Variants in CCKAR observed in about 807,000 individuals in gnomAD.
CCKAR encodes cholecystokinin A receptor.
CCKAR carries 21 observed loss-of-function variants against 29.8 expected under a neutral mutation model. The ratio of observed to expected loss-of-function variants is 0.70; its 90% CI spans 0.50 to 1.01. The LOEUF (loss-of-function observed/expected upper bound fraction) is 1.01, where lower values mean the gene tolerates loss of function less well. CCKAR is among the 50% of genes least tolerant of loss of function. The probability of loss-of-function intolerance (pLI) is 0.00; values close to 1 mark genes in which losing one functional copy is unlikely to be tolerated. For missense variants in CCKAR, 570 were observed against 560.6 expected (o/e 1.02, Z -0.17); for synonymous variants, 238 against 221.3 (o/e 1.08, Z -0.67).
rs759447662 is a variant in CCKAR, at chr4:26,481,593, G to C, written c.*45C>G. Reference sequence around the variant, plus strand: ...TCTCTTCTTCCGTTCTTTCTTCTCTGCCTCCTCCCTGCCTTCCTTCTGCGG... The same window carrying C: ...TCTCTTCTTCCGTTCTTTCTTCTCTCCCTCCTCCCTGCCTTCCTTCTGCGG... On this transcript the variant is annotated 3_prime_UTR_variant, in exon 5 of 5. Coordinates refer to ENST00000295589, the MANE Select transcript of CCKAR (RefSeq NM_000730.3). 6.9e-6 allele frequency: 11 copies of C among 1,596,156 alleles called. No individual in the cohort carries two copies. Among genetic ancestry groups the C allele is most frequent in the Admixed American group, 1.7e-5 (1 of 59,836 alleles).
Position 26,483,249 on chromosome 4 carries a change from G to C in CCKAR, c.661C>G (p.Pro221Ala), listed in dbSNP as rs201996688. 2.5e-6 allele frequency: 4 copies of C among 1,613,394 alleles called. No homozygotes were observed. The highest frequency in any genetic ancestry group is 3.4e-6 in the Non-Finnish European group (4 of 1,179,754). ...TFLLLILFLIPGIVMMVAYGL... is the reference protein window; with the variant it reads ...TFLLLILFLIAGIVMMVAYGL... Reference sequence around the variant, plus strand: ...TATGCCACCATCATCACAATTCCAGGAATAAGAAAGAGGATGAGTAACAGG... The same window carrying C: ...TATGCCACCATCATCACAATTCCAGCAATAAGAAAGAGGATGAGTAACAGG... Residue 221 changes from proline (P) to alanine (A), a missense_variant, in exon 4 of 5, where the codon CCT becomes GCT. Physicochemically the swap from Pro to Ala is conservative, Grantham distance 27. Transcript: ENST00000295589.
At position 26,490,383 on chromosome 4, in the gene CCKAR, G is replaced by C; in HGVS notation, c.-116C>G. 1 of 703,550 alleles carries C rather than the reference G, an allele frequency of 1.4e-6. No individual in the cohort carries two copies. Among genetic ancestry groups the C allele is most frequent in the East Asian group, 2.8e-5 (1 of 36,174 alleles). The allele number at this position is 703,550 out of a possible 1,614,324, so 43.6% of individuals were successfully genotyped here. A position where few individuals can be genotyped will look rare whatever the true frequency, so the allele number is the denominator to read the frequency against. ...GCAACCTGCCGTGGAGGAGCAGGGA[G>C]GGAGTGATTTCCAGGTGTGGGCTTT... On this transcript the variant is annotated 5_prime_UTR_variant, in exon 1 of 5. Coordinates refer to ENST00000295589, the MANE Select transcript of CCKAR (RefSeq NM_000730.3).
intron 4 of CCKAR, among the ~76,000 whole-genome samples, chr4:26,482,632 C>T (rs984573869): frequency 2.0e-5 from 3 of 152,164 alleles, no homozygotes; most frequent in Admixed American, 6.5e-5. Flanking sequence ...AAGGGAAAAG[C>T]TATGTCAACA....
chr4:26,481,642 TG>T lies in CCKAR; in HGVS notation c.1282del (p.Gln428SerfsTer65). On this transcript the variant is annotated frameshift_variant, in exon 5 of 5. Transcript: ENST00000295589. LOFTEE classifies it high-confidence loss of function. ...YSHMSASVPP[Q>X] Reference sequence around the variant, plus strand: ...GGTGGAGGGTCAGGGGACATCTCACTGGGGTGGCACCGAGGCACTCATATGG... The same window carrying T: ...GGTGGAGGGTCAGGGGACATCTCACTGGGTGGCACCGAGGCACTCATATGG... 6.2e-7 allele frequency: 1 copy of T among 1,614,172 alleles called. No individual in the cohort carries two copies. Among genetic ancestry groups the T allele is most frequent in the African/African-American group, 1.3e-5 (1 of 75,066 alleles).
Position 26,489,313 on chromosome 4 carries a change from A to G in CCKAR, c.284T>C (p.Met95Thr), listed in dbSNP as rs943601131. 5.0e-6 allele frequency: 8 copies of G among 1,614,078 alleles called. No homozygotes were observed. The highest frequency in any genetic ancestry group is 6.8e-6 in the Non-Finnish European group (8 of 1,180,038). The change falls in exon 2 of 5, where the codon ATG becomes ACG. Residue 95 changes from methionine to threonine, a missense_variant. Coordinates refer to ENST00000295589, the MANE Select transcript of CCKAR (RefSeq NM_000730.3). ...CAGATTGGGGATGAGGTTGAACGGCATGCAGAAGAGACAGAGCATGAGGTC... is the reference window on the plus strand; with the variant it reads ...CAGATTGGGGATGAGGTTGAACGGCGTGCAGAAGAGACAGAGCATGAGGTC... ...VSDLMLCLFC[M>T]PFNLIPNLLK...
At chr4:26,485,584 TA>T in intron 3 of CCKAR, 52 bp downstream of exon 3, 1 of 1,595,526 alleles carries the variant, frequency 6.3e-7, no homozygotes, top group Non-Finnish European at 8.6e-7. Flanking sequence ...TTTTTCATGA[TA>T]TTGCAAAATT....
chr4:26,483,960 C>G (rs1182625084), intron 3 of CCKAR, among the ~76,000 whole-genome samples: 1 of 152,240 alleles, frequency 6.6e-6, no homozygotes, highest in Admixed American at 6.5e-5. Context: ...ACAAAACATG[C>G]CATTCTGGCT....
At chr4:26,486,676 G>A (rs1381217729) in intron 2 of CCKAR, among the ~76,000 whole-genome samples, 1 of 152,182 alleles carries the variant, frequency 6.6e-6, no homozygotes, top group Admixed American at 6.5e-5. Flanking sequence ...CGCTTTGGGA[G>A]TCCGAGGCAG....
intron 3 of CCKAR, among the ~76,000 whole-genome samples, chr4:26,484,615 A>T (rs1163281802): frequency 1.3e-5 from 2 of 152,214 alleles, no homozygotes; most frequent in African/African-American, 4.8e-5. Flanking sequence ...TGCAGTTAGT[A>T]AGCAAAGGAA....
In CCKAR at chr4:26,481,766, A is replaced by G; in HGVS notation, c.1159T>C (p.Cys387Arg). Residue 387 changes from cysteine (C) to arginine (R), a missense_variant, in exon 5 of 5, where the codon TGC becomes CGC. By Grantham distance (180) the Cys-to-Arg change is radical. Coordinates refer to ENST00000295589, the MANE Select transcript of CCKAR (RefSeq NM_000730.3). ...FRLGFMATFP[C>R]CPNPGPPGAR... The stretch of plus-strand genomic sequence containing the variant: ...CCTGGGGGACCAGGATTGGGGCAGC[A>G]GGGGAAGGTGGCCATGAAGCCGAGG... The G allele has an allele frequency of 6.2e-7, 1 of 1,614,096 alleles. No individual in the cohort carries two copies. Among genetic ancestry groups the G allele is most frequent in the Non-Finnish European group, 8.5e-7 (1 of 1,179,996 alleles).
rs747058691 is a variant in CCKAR at position 26,490,192 on chromosome 4, T to C, written c.76A>G (p.Thr26Ala). Residue 26 changes from threonine (T) to alanine (A), a missense_variant, in exon 1 of 5, where the codon ACG (threonine) becomes GCG (alanine). Physicochemically the swap from Thr to Ala is moderately conservative, Grantham distance 58 (BLOSUM62 0). Coordinates refer to ENST00000295589, the MANE Select transcript of CCKAR (RefSeq NM_000730.3). ...PPCELGLENE[T>A]LFCLDQPRPS... ...CGGGGCTGATCCAAGCAGAAAAGCG[T>C]CTCATTTTCGAGCCCGAGTTCACAG... is the stretch of plus-strand genomic sequence containing the variant. 2 of 1,613,376 alleles carry C rather than the reference T, an allele frequency of 1.2e-6. No individual in the cohort carries two copies. The highest frequency in any genetic ancestry group is 3.3e-5 in the Admixed American group (2 of 59,940).
rs1737434140 is a variant in CCKAR, at chr4:26,485,662, G to C, written c.601C>G (p.Pro201Ala). ...CAGGACTGCTGCATAACATCATTTG[G>C]CAGTAGAAAGCGGCACATATTCGCG... ...QTANMCRFLL[P>A]NDVMQQSWHT... Residue 201 changes from proline (P) to alanine (A), a missense_variant, in exon 3 of 5, where the codon CCA becomes GCA. Pro to Ala is a conservative substitution (Grantham distance 27). Transcript: ENST00000295589. 4 of 1,613,976 alleles carry C rather than the reference G, an allele frequency of 2.5e-6. No homozygotes were observed. In the African/African-American group the frequency reaches 5.3e-5, roughly 22 times the overall value.
chr4:26,489,180 G>A (rs1737504424), intron 2 of CCKAR, 53 bp downstream of exon 2: 1 of 1,607,880 alleles, frequency 6.2e-7, no homozygotes, highest in African/African-American at 1.3e-5. Context: ...GAAGGTCTGG[G>A]GCTGAGTGGG....
intron 2 of CCKAR, among the ~76,000 whole-genome samples, chr4:26,487,552 T>C (rs1737473286): frequency 6.6e-6 from 1 of 152,228 alleles, no homozygotes; most frequent in Non-Finnish European, 1.5e-5. Context: ...TTATTAGTAT[T>C]GAGGAGACTG....
chr4:26,482,334 G>A (rs1210803039), intron 4 of CCKAR, among the ~76,000 whole-genome samples, 164 bp from the exon 5 acceptor site: 1 of 152,112 alleles, frequency 6.6e-6, no homozygotes, highest in Non-Finnish European at 1.5e-5. Flanking sequence ...ATCTATACTA[G>A]TTCTTCCCTT....
intron 3 of CCKAR, 93 bp downstream of exon 3, chr4:26,485,544 C>G: frequency 1.5e-6 from 2 of 1,374,576 alleles, no homozygotes; most frequent in Non-Finnish European, 2.0e-6. Flanking sequence ...GGAAACTGAT[C>G]CCCCAACCAC....
At chr4:26,484,981 C>T (rs1737419704) in intron 3 of CCKAR, among the ~76,000 whole-genome samples, 1 of 151,626 alleles carries the variant, frequency 6.6e-6, no homozygotes, top group Non-Finnish European at 1.5e-5. Context: ...AACCTGAGGT[C>T]AGGAGTTCGA....
At position 26,481,933 on chromosome 4, in the gene CCKAR, C is replaced by T. The variant is rs748069548; in HGVS notation, c.992G>A (p.Ser331Asn). 16 of 1,614,146 alleles carry T rather than the reference C, an allele frequency of 9.9e-6. No individual in the cohort carries two copies. The Admixed American group carries it at 2.5e-4, about 25-fold the overall frequency. Residue 331 changes from serine (S) to asparagine (N), a missense_variant, in exon 5 of 5, where the codon AGC becomes AAC. Coordinates refer to ENST00000295589, the MANE Select transcript of CCKAR (RefSeq NM_000730.3). ...GTCGTAGGCCCGCCAGGCGTTGGCG[C>T]TGAAGATGGGCATCCAGCACAGGAA... ...LFFLCWMPIF[S>N]ANAWRAYDTA...
rs1024430610 is a variant in CCKAR, at chr4:26,488,580, A to G, written c.364+653T>C. The stretch of plus-strand genomic sequence containing the variant: ...GGCAAAGAGCTATATATCTCAGCCA[A>G]TCAGGGTCAGCTTAGCGACCCCATA... On this transcript the variant is annotated intron_variant, in intron 2 of 4. Transcript: ENST00000295589. 3.3e-5 allele frequency among the ~76,000 whole-genome samples: 5 copies of G among 152,276 alleles called. No homozygotes were observed. In the South Asian group the frequency reaches 8.3e-4, roughly 25 times the overall value.
Sources: allele counts gnomAD v4.1 joint callset (sites outside exome capture counted in the v4.1 genomes callset), GRCh38; gene constraint gnomAD v4.1.1; transcripts MANE v1.5; gene names NCBI Gene and HGNC (gene_info 2026-07-23, HGNC 2026-07-21).